The following UBXN8 variants were observed in gnomAD, a reference collection of about 807,000 sequenced individuals.
UBXN8 encodes the protein UBX domain protein 8.
UBXN8 carries 27 observed loss-of-function variants against 32.1 expected under a neutral mutation model. The ratio of observed to expected loss-of-function variants is 0.84; its 90% CI spans 0.62 to 1.16. The LOEUF (loss-of-function observed/expected upper bound fraction) is 1.16. Ranked by LOEUF, UBXN8 falls within the 50% of genes most tolerant of loss-of-function variation. The pLI is 0.00. For missense variants in UBXN8, 306 were observed against 311.4 expected (o/e 0.98, Z 0.13); for synonymous variants, 109 against 111.8 (o/e 0.98, Z 0.16).
intron 1 of UBXN8, among the ~76,000 whole-genome samples, chr8:30,736,877 GTAC>G (rs1322226610): frequency 1.3e-5 from 2 of 152,122 alleles, no homozygotes; most frequent in Non-Finnish European, 2.9e-5. Flanking sequence ...AAGAAATGTA[GTAC>G]TACCACACTG....
chr8:30,760,684 T>G (rs935479648), intron 5 of UBXN8, among the ~76,000 whole-genome samples: 1 of 152,026 alleles, frequency 6.6e-6, no homozygotes, highest in Non-Finnish European at 1.5e-5. Flanking sequence ...TCAAATCCTA[T>G]TTTTATGATT....
intron 1 of UBXN8, among the ~76,000 whole-genome samples, chr8:30,737,584 T>C (rs1445187326): frequency 6.6e-6 from 1 of 152,178 alleles, no homozygotes; most frequent in African/African-American, 2.4e-5. Context: ...GAATCAAGTC[T>C]ATGTGATTTT....
Position 30,744,255 on chromosome 8 carries a change from C to T in UBXN8, c.66C>T (p.Leu22=). 1 of 1,613,792 alleles carries T rather than the reference C, an allele frequency of 6.2e-7. No homozygotes were observed. Among genetic ancestry groups the T allele is most frequent in the Non-Finnish European group, 8.5e-7 (1 of 1,179,826 alleles). ...CTGTCCCCCTTGTGTGTCTGGAGCT[C>T]CGGCGTGGGATCCCGGATATAGGTA... ...LSAVPLVCLE[L]RRGIPDIGIK... is the part of the protein sequence containing the mutation. The change falls in exon 1 of 8, where the codon CTC becomes CTT. Residue 22 remains leucine, a synonymous_variant. Coordinates refer to ENST00000265616, the MANE Select transcript of UBXN8 (RefSeq NM_005671.4).
rs1805904197 is a variant in UBXN8, at chr8:30,763,201, G to A, written c.571-72G>A. The A allele has an allele frequency of 3.4e-6, 5 of 1,460,810 alleles. No individual in the cohort carries two copies. The South Asian group carries it at 5.7e-5, about 17-fold the overall frequency. The allele number at this position is 1,460,810 out of a possible 1,614,324, so 90.5% of individuals were successfully genotyped here. On this transcript the variant is annotated intron_variant, in intron 6 of 7. Transcript: ENST00000265616. Reference sequence around the variant, plus strand: ...TATCTAAGTCCTTTTTAGCTGCTTAGCTGTTTTATGGAATGAAAGGAATTG... The same window carrying A: ...TATCTAAGTCCTTTTTAGCTGCTTAACTGTTTTATGGAATGAAAGGAATTG...
At chr8:30,749,332 G>A (rs1279251598) in intron 1 of UBXN8, among the ~76,000 whole-genome samples, 1 of 150,916 alleles carries the variant, frequency 6.6e-6, no homozygotes, top group Non-Finnish European at 1.5e-5. Flanking sequence ...GGCAGAGGTT[G>A]CAGTGAGCCA....
rs376880311 is a variant in UBXN8, at chr8:30,737,789, A to G, written c.622+4481A>G. On this transcript the variant is annotated intron_variant, in intron 1 of 1. Coordinates refer to the UBXN8 transcript ENST00000522968. ...CGTGGGCCTGGGAGGTGGAGGCTGC[A>G]GTGAGCCGTGATTGTACAACCACAC... Among the ~76,000 whole-genome samples, 19 of 152,254 alleles carry G rather than the reference A, an allele frequency of 1.2e-4. No individual in the cohort carries two copies. In the South Asian group the frequency reaches 3.9e-3, roughly 32 times the overall value.
intron 1 of UBXN8, among the ~76,000 whole-genome samples, chr8:30,749,405 T>TTAAAA (rs1805455051): frequency 7.3e-6 from 1 of 136,268 alleles, no homozygotes; most frequent in Non-Finnish European, 1.6e-5. Flanking sequence ...AAAAAAAAAA[T>TTAAAA]AAAATAAATA....
intron 1 of UBXN8, among the ~76,000 whole-genome samples, chr8:30,738,961 A>G (rs12544339): frequency 0.2 from 29,707 of 150,518 alleles, 4,131 homozygotes; most frequent in African/African-American, 0.32. Flanking sequence ...CATCTCAAAA[A>G]AGGCTTTTTT....
chr8:30,765,250 GT>G lies in UBXN8; in HGVS notation c.646-975del, dbSNP rs1375960579. Among the ~76,000 whole-genome samples the G allele has an allele frequency of 2.0e-5, 3 of 151,816 alleles. No homozygotes were observed. The East Asian group carries it at 5.8e-4, about 29-fold the overall frequency. On this transcript the variant is annotated intron_variant, in intron 7 of 7. Transcript: ENST00000265616. The stretch of plus-strand genomic sequence containing the variant: ...TAATGTGAATGTAAATAAGATCAGT[GT>G]TCCTGACAGATAATTTACCATTATT...
chr8:30,758,709 T>C (rs1353244005), intron 5 of UBXN8, among the ~76,000 whole-genome samples: 1 of 152,202 alleles, frequency 6.6e-6, no homozygotes, highest in Non-Finnish European at 1.5e-5. Flanking sequence ...GACACTGTCT[T>C]ATGCTGATGG....
intron 1 of UBXN8, among the ~76,000 whole-genome samples, chr8:30,738,961 A>C (rs12544339): frequency 6.6e-6 from 1 of 150,426 alleles, no homozygotes; most frequent in African/African-American, 2.4e-5. Flanking sequence ...CATCTCAAAA[A>C]AGGCTTTTTT....
intron 5 of UBXN8, among the ~76,000 whole-genome samples, chr8:30,759,515 G>GT (rs1349774082): frequency 6.6e-6 from 1 of 151,788 alleles, no homozygotes; most frequent in African/African-American, 2.4e-5. Context: ...GATTACAGGC[G>GT]TGAGACACCA....
upstream of UBXN8, among the ~76,000 whole-genome samples, chr8:30,743,394 T>A (rs1174091971): frequency 6.9e-6 from 1 of 144,872 alleles, no homozygotes; most frequent in Non-Finnish European, 1.5e-5. Context: ...GACCTTGTGA[T>A]CCGCCCGCCT....
At chr8:30,751,375 T>G (rs149656470) in intron 1 of UBXN8, 21 bp from the exon 2 acceptor site, 76 of 1,547,018 alleles carry the variant, frequency 4.9e-5, no homozygotes, top group Non-Finnish European at 6.2e-5. Context: ...AATTTTAATT[T>G]TAGTTTTTTT....
chr8:30,765,518 C>T lies in UBXN8; in HGVS notation c.646-709C>T, dbSNP rs377705471. Among the ~76,000 whole-genome samples, 17 of 129,496 alleles carry T rather than the reference C, an allele frequency of 1.3e-4. No homozygotes were observed. The South Asian group carries it at 3.8e-3, about 29-fold the overall frequency. The allele number at this position is 129,496 out of a possible 152,430, so 85.0% of individuals were successfully genotyped here. ...CAAATTTCTGTGCCATTATATGTTT[C>T]GGGAAAAAAAATTTTATATATATAT... On this transcript the variant is annotated intron_variant, in intron 7 of 7. Coordinates refer to ENST00000265616, the MANE Select transcript of UBXN8 (RefSeq NM_005671.4).
upstream of UBXN8, chr8:30,732,348 A>C (rs555266668): frequency 2.0e-5 from 8 of 398,248 alleles, no homozygotes; most frequent in East Asian, 2.9e-4. Flanking sequence ...CCAAGAAAAA[A>C]AGCTCAGATC....
Position 30,760,916 on chromosome 8 carries a change from A to C in UBXN8, c.557A>C (p.Gln186Pro). The C allele has an allele frequency of 6.5e-7, 1 of 1,537,746 alleles. No homozygotes were observed. Among genetic ancestry groups the C allele is most frequent in the Non-Finnish European group, 8.8e-7 (1 of 1,140,224 alleles). The change falls in exon 6 of 8, where the codon CAA (glutamine) becomes CCA (proline). Residue 186 changes from glutamine to proline, a missense_variant. Gln to Pro is a moderately conservative substitution (Grantham distance 76). Transcript: ENST00000265616. ...EIPDLPEEPS[Q>P]TAEEVVTVAL... ...CCTGATTTACCTGAAGAACCTTCTC[A>C]AACAGCAGAAGAAGTAAGTCTATTT...
At chr8:30,753,291 G>A (rs1805563375) in intron 3 of UBXN8, among the ~76,000 whole-genome samples, 186 bp downstream of exon 3, 1 of 152,084 alleles carries the variant, frequency 6.6e-6, no homozygotes, top group African/African-American at 2.4e-5. Context: ...GAGTCTCGCT[G>A]TGTCACCTAG....
intron 5 of UBXN8, 125 bp from the exon 6 acceptor site, chr8:30,760,763 G>A (rs925447463): frequency 3.3e-5 from 21 of 636,200 alleles, no homozygotes; most frequent in African/African-American, 2.3e-4. Flanking sequence ...CTTTATAGAT[G>A]TATGAAGAAA....
Sources: gnomAD v4.1 joint callset for allele counts (sites outside exome capture counted in the v4.1 genomes callset) on GRCh38, gnomAD v4.1.1 for gene constraint, MANE v1.5 for transcripts, NCBI Gene and HGNC (gene_info 2026-07-23, HGNC 2026-07-21) for gene names.